The following SASH1 variants were observed in gnomAD, a reference collection of about 807,000 sequenced individuals.
SASH1 encodes the protein SAM and SH3 domain containing 1.
In SASH1, 44 loss-of-function variants were observed where a neutral mutation model predicts 125.2. That is an observed-to-expected ratio of 0.35 (90% CI 0.28 to 0.45). SASH1 has a LOEUF of 0.45. SASH1 is among the 20% of genes least tolerant of loss of function. The pLI, the probability that SASH1 is intolerant of heterozygous loss-of-function variation, is 1.00. For synonymous variants in SASH1, 639 were observed against 649.1 expected, an observed-to-expected ratio of 0.98 and a Z score of 0.24; for missense variants, 1,426 against 1,614.5, an observed-to-expected ratio of 0.88 and a Z score of 2.00.
intron 1 of SASH1, among the ~76,000 whole-genome samples, chr6:148,282,387 T>TA (rs1036923529): frequency 2.0e-5 from 3 of 151,164 alleles, no homozygotes; most frequent in African/African-American, 7.3e-5. Context: ...AGGAGATTTT[T>TA]TTTTTCTTTT....
chr6:148,453,162 G>A (rs967344668), intron 4 of SASH1, among the ~76,000 whole-genome samples: 4 of 152,180 alleles, frequency 2.6e-5, no homozygotes, highest in Admixed American at 6.5e-5. Context: ...GAGTCCGCAC[G>A]TCTGCCCTGT....
chr6:148,331,647 A>G (rs1252369823), intron 1 of SASH1, among the ~76,000 whole-genome samples: 1 of 152,018 alleles, frequency 6.6e-6, no homozygotes, highest in East Asian at 1.9e-4. Context: ...GTCTTTACAC[A>G]GCATCAACAC....
At chr6:148,527,656 G>A in intron 12 of SASH1, 60 bp downstream of exon 12, 1 of 1,520,918 alleles carries the variant, frequency 6.6e-7, no homozygotes, top group Non-Finnish European at 8.9e-7. Flanking sequence ...AGCTGAGAAT[G>A]GCCCTTCTGA....
In SASH1 at chr6:148,379,121, C is replaced by T. The variant is rs370554463; in HGVS notation, c.157-11013C>T. ...CATTGAAGTGTATGACAGCGAGTTT[C>T]GTACTTTATTTAAAGCAAAGTGCAT... On this transcript the variant is annotated intron_variant, in intron 1 of 19. Transcript: ENST00000367467. 6.8e-4 allele frequency among the ~76,000 whole-genome samples: 104 copies of T among 152,202 alleles called. 1 individual carries two copies. Among genetic ancestry groups the T allele is most frequent in the African/African-American group, 2.3e-3 (94 of 41,530 alleles).
chr6:148,201,546 A>C, the SASH1 span, among the ~76,000 whole-genome samples: 1 of 152,152 alleles, frequency 6.6e-6, no homozygotes, highest in Non-Finnish European at 1.5e-5. Context: ...GTTGCCAGGC[A>C]ATGCCGATAC....
chr6:148,468,253 T>C (rs1228084537), intron 4 of SASH1, among the ~76,000 whole-genome samples: 1 of 152,234 alleles, frequency 6.6e-6, no homozygotes, highest in South Asian at 2.1e-4. Flanking sequence ...CTTGTATTAG[T>C]AGTTCACAGA....
At chr6:148,213,726 A>G in the SASH1 span, among the ~76,000 whole-genome samples, 1 of 152,040 alleles carries the variant, frequency 6.6e-6, no homozygotes, top group Non-Finnish European at 1.5e-5. Flanking sequence ...TCTTGTCATT[A>G]TCTCTGGTCT....
At position 148,435,236 on chromosome 6, in the gene SASH1, G is replaced by A. The variant is rs919719490; in HGVS notation, c.286-4948G>A. ...CTACTAAAAATACAAAAATTATCTG[G>A]GCGTGGTGGTGGGTACCTGTAATCC... On this transcript the variant is annotated intron_variant, in intron 2 of 19. Coordinates refer to ENST00000367467, the MANE Select transcript of SASH1 (RefSeq NM_015278.5). Among the ~76,000 whole-genome samples the A allele has an allele frequency of 2.6e-5, 4 of 151,910 alleles. No individual in the cohort carries two copies. The East Asian group carries it at 7.7e-4, about 29-fold the overall frequency.
chr6:148,421,134 GAAGGAAGGAAGGAAGA>G (rs1350626805), intron 2 of SASH1, among the ~76,000 whole-genome samples: 2,038 of 95,318 alleles, frequency 0.021, 51 homozygotes, highest in African/African-American at 0.026. Flanking sequence ...AGAAAGGAAG[GAAGGAAGGAAGGAAGA>G]AAGAAAGAAA....
At position 148,409,878 on chromosome 6, in the gene SASH1, G is replaced by A. The variant is rs955466555; in HGVS notation, c.285+19616G>A. Reference sequence around the variant, plus strand: ...GAACTGGGGAGGCAGAGGCGAGGCTGCAGTGAGCCGAGATTGCACCACTGC... The same window carrying A: ...GAACTGGGGAGGCAGAGGCGAGGCTACAGTGAGCCGAGATTGCACCACTGC... On this transcript the variant is annotated intron_variant, in intron 2 of 19. Coordinates refer to ENST00000367467, the MANE Select transcript of SASH1 (RefSeq NM_015278.5). Among the ~76,000 whole-genome samples, 3 of 151,996 alleles carry A rather than the reference G, an allele frequency of 2.0e-5. No homozygotes were observed. In the East Asian group the frequency reaches 5.9e-4, roughly 30 times the overall value.
At chr6:148,465,586 G>A (rs529984808) in intron 4 of SASH1, among the ~76,000 whole-genome samples, 96 of 151,924 alleles carry the variant, frequency 6.3e-4, no homozygotes, top group African/African-American at 2.3e-3. Context: ...AGTCCTTAGG[G>A]TGAGGACAAA....
At chr6:148,412,478 A>T (rs1328860110) in intron 2 of SASH1, among the ~76,000 whole-genome samples, 1 of 152,234 alleles carries the variant, frequency 6.6e-6, no homozygotes, top group Non-Finnish European at 1.5e-5. Context: ...TCAACTTAGA[A>T]TTTGTACCAT....
intron 1 of SASH1, among the ~76,000 whole-genome samples, chr6:148,356,471 A>C (rs1407759207): frequency 6.8e-6 from 1 of 147,850 alleles, no homozygotes; most frequent in African/African-American, 2.5e-5. Flanking sequence ...TTGCTGCATC[A>C]AATGGTAGAT....
chr6:148,260,432 A>G, the SASH1 span, among the ~76,000 whole-genome samples: 1 of 151,956 alleles, frequency 6.6e-6, no homozygotes, highest in Non-Finnish European at 1.5e-5. Flanking sequence ...TATAGCAAGA[A>G]TGCGTCTCTA....
At chr6:148,403,955 A>T (rs369846766) in intron 2 of SASH1, among the ~76,000 whole-genome samples, 1 of 152,210 alleles carries the variant, frequency 6.6e-6, no homozygotes, top group Non-Finnish European at 1.5e-5. Context: ...CCAAAATTCC[A>T]TAGTACTTTG....
intron 2 of SASH1, chr6:148,393,713 G>T (rs1178217755): frequency 1.0e-6 from 1 of 985,188 alleles, no homozygotes; most frequent in Non-Finnish European, 1.2e-6. Context: ...AAGACAGTCT[G>T]GGGGGAGAAA....
At chr6:148,473,296 A>G (rs111815258) in intron 6 of SASH1, among the ~76,000 whole-genome samples, 2,876 of 152,202 alleles carry the variant, frequency 0.019, 86 homozygotes, top group African/African-American at 0.064. Context: ...TCTGTCACGT[A>G]GGCTGGAGTG....
intron 1 of SASH1, among the ~76,000 whole-genome samples, chr6:148,287,402 C>T (rs1250070386): frequency 6.6e-6 from 1 of 152,150 alleles, no homozygotes; most frequent in Non-Finnish European, 1.5e-5. Flanking sequence ...CCTGCTCTCT[C>T]TCCTTCAAGG....
rs377108851 is a variant in SASH1 at position 148,438,314 on chromosome 6, T to C, written c.286-1870T>C. 3.9e-5 allele frequency among the ~76,000 whole-genome samples: 6 copies of C among 152,334 alleles called. No homozygotes were observed. In the South Asian group the frequency reaches 6.2e-4, roughly 16 times the overall value. The stretch of plus-strand genomic sequence containing the variant: ...CTCTATGTGAGGCTGAAAGGTTAGG[T>C]CCTGGAAAATTGTGATTGGTCTGTA... On this transcript the variant is annotated intron_variant, in intron 2 of 19. Coordinates refer to ENST00000367467, the MANE Select transcript of SASH1 (RefSeq NM_015278.5).
Sources: allele counts gnomAD v4.1 joint callset (sites outside exome capture counted in the v4.1 genomes callset), GRCh38; gene constraint gnomAD v4.1.1; transcripts MANE v1.5; gene names NCBI Gene and HGNC (gene_info 2026-07-23, HGNC 2026-07-21).